SGCG: variants seen among roughly 807,000 people sequenced by gnomAD.
SGCG encodes the protein sarcoglycan gamma.
SGCG carries 26 observed loss-of-function variants against 29.3 expected under a neutral mutation model. The ratio of observed to expected loss-of-function variants is 0.89; its 90% CI spans 0.65 to 1.23. The LOEUF (loss-of-function observed/expected upper bound fraction) is 1.23, where lower values mean the gene tolerates loss of function less well. Among genes scored for constraint, SGCG ranks in the 50% most tolerant of loss-of-function variants. The pLI, the probability that SGCG is intolerant of heterozygous loss-of-function variation, is 0.00. For missense variants in SGCG, 353 were observed against 356.0 expected, an observed-to-expected ratio of 0.99 and a Z score of 0.07; for synonymous variants, 145 against 129.7, an observed-to-expected ratio of 1.12 and a Z score of -0.80.
chr13:23,259,166 C>G (rs1486336839), intron 4 of SGCG, among the ~76,000 whole-genome samples: 1 of 152,142 alleles, frequency 6.6e-6, no homozygotes, highest in Non-Finnish European at 1.5e-5. Context: ...GTAAATCCGT[C>G]TGCTCTTGGA....
chr13:23,218,660 A>G (rs2137523717), intron 2 of SGCG, among the ~76,000 whole-genome samples: 1 of 152,188 alleles, frequency 6.6e-6, no homozygotes, highest in South Asian at 2.1e-4. Flanking sequence ...ACACTCAAAT[A>G]TAACTGCTGA....
the SGCG span, among the ~76,000 whole-genome samples, chr13:23,171,250 T>A: frequency 6.6e-6 from 1 of 152,186 alleles, no homozygotes; most frequent in Admixed American, 6.5e-5. Context: ...TTACTACATG[T>A]CAGACACCTT....
At chr13:23,251,736 GA>G (rs1441429687) in intron 4 of SGCG, among the ~76,000 whole-genome samples, 1 of 151,708 alleles carries the variant, frequency 6.6e-6, no homozygotes, top group African/African-American at 2.4e-5. Flanking sequence ...CCCTTTGTTT[GA>G]AAAAAAGAGA....
At chr13:23,269,881 T>G (rs1880800131) in intron 4 of SGCG, among the ~76,000 whole-genome samples, 1 of 114,696 alleles carries the variant, frequency 8.7e-6, no homozygotes, top group East Asian at 2.1e-4. Flanking sequence ...TTTGTTTTTT[T>G]TGTTTTTTTT....
intron 2 of SGCG, among the ~76,000 whole-genome samples, chr13:23,208,469 A>C (rs17078466): frequency 0.091 from 13,872 of 152,200 alleles, 852 homozygotes; most frequent in South Asian, 0.2. Context: ...ACACCAAAGA[A>C]TATTAAAAAT....
intron 5 of SGCG, among the ~76,000 whole-genome samples, chr13:23,281,683 C>A (rs974165006): frequency 6.6e-6 from 1 of 152,222 alleles, no homozygotes; most frequent in Non-Finnish European, 1.5e-5. Flanking sequence ...CACCTCAGAT[C>A]ATCAGGTATT....
intron 2 of SGCG, among the ~76,000 whole-genome samples, chr13:23,230,707 A>G (rs1015330192): frequency 6.6e-6 from 1 of 152,208 alleles, no homozygotes; most frequent in Middle Eastern, 3.2e-3. Flanking sequence ...GTTATTCTCA[A>G]TATAGAATCA....
rs142792248 is a variant in SGCG, at chr13:23,292,361, T to C, written c.506-3054T>C. On this transcript the variant is annotated intron_variant, in intron 5 of 7. Coordinates refer to ENST00000218867, the MANE Select transcript of SGCG (RefSeq NM_000231.3). ...CTGGCCTCAAGTGATCTGCCTGCCT[T>C]GGCCTCCCAAAGTGCTGGGATTACC... Among the ~76,000 whole-genome samples the C allele has an allele frequency of 7.1e-3, 1,074 of 152,330 alleles. 9 individuals carry two copies. Among genetic ancestry groups the C allele is most frequent in the African/African-American group, 0.022 (934 of 41,578 alleles).
chr13:23,160,854 C>G, the SGCG span, among the ~76,000 whole-genome samples: 1 of 152,180 alleles, frequency 6.6e-6, no homozygotes, highest in South Asian at 2.1e-4. Context: ...TCCCCTGCCC[C>G]CTTGTGGGGG....
intron 2 of SGCG, among the ~76,000 whole-genome samples, chr13:23,218,048 T>C (rs1351383417): frequency 6.6e-6 from 1 of 152,152 alleles, no homozygotes; most frequent in African/African-American, 2.4e-5. Context: ...TTTCTGAAAG[T>C]TTGACAAATG....
chr13:23,315,514 G>A (rs1436143401), intron 6 of SGCG, among the ~76,000 whole-genome samples: 2 of 152,184 alleles, frequency 1.3e-5, no homozygotes, highest in African/African-American at 2.4e-5. Context: ...TCAGTTGAGA[G>A]AGGAAGAGAA....
At chr13:23,161,880 G>A in the SGCG span, among the ~76,000 whole-genome samples, 1 of 152,222 alleles carries the variant, frequency 6.6e-6, no homozygotes, top group Admixed American at 6.5e-5. Context: ...TTTAGTGGAT[G>A]TTACACGTAA....
At chr13:23,185,505 A>G (rs1308782530) in intron 1 of SGCG, among the ~76,000 whole-genome samples, 1 of 152,222 alleles carries the variant, frequency 6.6e-6, no homozygotes, top group Non-Finnish European at 1.5e-5. Context: ...TCACTTTTAA[A>G]TTCCAATTTT....
chr13:23,184,552 A>C (rs538052639), intron 1 of SGCG, among the ~76,000 whole-genome samples: 1 of 152,354 alleles, frequency 6.6e-6, no homozygotes, highest in Admixed American at 6.5e-5. Flanking sequence ...TCCTTTGTAA[A>C]TAACAGCAAA....
chr13:23,281,441 G>C (rs932665991), intron 5 of SGCG, among the ~76,000 whole-genome samples: 8 of 152,028 alleles, frequency 5.3e-5, no homozygotes, highest in African/African-American at 1.4e-4. Flanking sequence ...TGTGACTTGA[G>C]AATCTGTGTT....
chr13:23,288,197 A>G (rs552478613), intron 5 of SGCG, among the ~76,000 whole-genome samples: 1 of 152,358 alleles, frequency 6.6e-6, no homozygotes, highest in African/African-American at 2.4e-5. Context: ...AGCAAACGCA[A>G]CAGTAGTTGA....
At chr13:23,253,186 T>TTA (rs1388161430) in intron 4 of SGCG, among the ~76,000 whole-genome samples, 1 of 152,126 alleles carries the variant, frequency 6.6e-6, no homozygotes, top group East Asian at 1.9e-4. Context: ...GTTCAGGGCT[T>TTA]CAGTGAGCTA....
intron 6 of SGCG, among the ~76,000 whole-genome samples, chr13:23,315,913 AAGG>A (rs1382227032): frequency 6.6e-6 from 1 of 152,208 alleles, no homozygotes; most frequent in African/African-American, 2.4e-5. Flanking sequence ...CTCAGCAGAG[AAGG>A]ATTTTAATAA....
At chr13:23,197,246 C>CTGATACTG (rs767431236) in intron 1 of SGCG, among the ~76,000 whole-genome samples, 1 of 152,172 alleles carries the variant, frequency 6.6e-6, no homozygotes, top group African/African-American at 2.4e-5. Flanking sequence ...GTGCACATAA[C>CTGATACTG]TGATACTGGT....
Sources: gnomAD v4.1 joint callset for allele counts (sites outside exome capture counted in the v4.1 genomes callset) on GRCh38, gnomAD v4.1.1 for gene constraint, MANE v1.5 for transcripts, NCBI Gene and HGNC (gene_info 2026-07-23, HGNC 2026-07-21) for gene names.